TCF4: variants seen among roughly 807,000 people sequenced by gnomAD.
The protein encoded by TCF4 is transcription factor 4.
TCF4 carries 3 observed loss-of-function variants against 82.1 expected under a neutral mutation model. The ratio of observed to expected loss-of-function variants is 0.04; its 90% CI spans 0.02 to 0.09. The LOEUF (loss-of-function observed/expected upper bound fraction) is 0.09. TCF4 is among the 10% of genes least tolerant of loss of function. The pLI, the probability that TCF4 is intolerant of heterozygous loss-of-function variation, is 1.00. For missense variants in TCF4, 518 were observed against 852.7 expected, an observed-to-expected ratio of 0.61 and a Z score of 4.89; for synonymous variants, 276 against 309.6, an observed-to-expected ratio of 0.89 and a Z score of 1.14.
chr18:55,385,890 C>A (rs1256645738), intron 6 of TCF4, among the ~76,000 whole-genome samples: 1 of 152,234 alleles, frequency 6.6e-6, no homozygotes, highest in East Asian at 1.9e-4. Context: ...ATCAGGCCAT[C>A]GCTACTGGGT....
chr18:55,423,547 G>GT (rs1169846259), intron 5 of TCF4: 1 of 152,192 alleles, frequency 6.6e-6, no homozygotes, highest in Non-Finnish European at 1.5e-5. Context: ...GAGCTAAAGT[G>GT]TAAGTGAAGA....
intron 5 of TCF4, among the ~76,000 whole-genome samples, chr18:55,408,282 G>A (rs1274391807): frequency 6.6e-6 from 1 of 152,146 alleles, no homozygotes; most frequent in Admixed American, 6.5e-5. Flanking sequence ...ACAACACCAA[G>A]CAAGGCTGTT....
intron 5 of TCF4, among the ~76,000 whole-genome samples, chr18:55,412,084 C>A (rs1175134331): frequency 2.0e-5 from 3 of 152,108 alleles, no homozygotes; most frequent in African/African-American, 7.2e-5. Flanking sequence ...TTATTCTGAC[C>A]AGCTAGGGAG....
chr18:55,303,622 A>G (rs1364617244), intron 8 of TCF4, among the ~76,000 whole-genome samples: 1 of 152,206 alleles, frequency 6.6e-6, no homozygotes, highest in African/African-American at 2.4e-5. Context: ...AAGAAAAGAT[A>G]TAAGGTGAAG....
chr18:55,422,124 C>CA, intron 5 of TCF4: 1 of 643,082 alleles, frequency 1.6e-6, no homozygotes, highest in Non-Finnish European at 1.8e-6. Flanking sequence ...CCACTATCAT[C>CA]CAAAAAAAAA....
intron 3 of TCF4, among the ~76,000 whole-genome samples, chr18:55,521,472 T>C (rs2096932790): frequency 1.3e-5 from 2 of 152,168 alleles, no homozygotes; most frequent in Admixed American, 1.3e-4. Context: ...TCAAATCTCA[T>C]AATGCAAAAC....
Position 55,588,147 on chromosome 18 carries a change from T to G in TCF4, c.-130A>C. ...CTGCTCCTGCGCCCGCTCCCGCGCC[T>G]GCTGCCTCCCCGCCGCCGCCGCCGC... On this transcript the variant is annotated 5_prime_UTR_variant, in exon 1 of 20. Transcript: ENST00000354452. 1.0e-5 allele frequency: 11 copies of G among 1,082,296 alleles called. No homozygotes were observed. Among genetic ancestry groups the G allele is most frequent in the Non-Finnish European group, 1.2e-5 (11 of 898,800 alleles). 67.0% of individuals were successfully genotyped at this position (1,082,296 alleles called of 1,614,324 possible).
At chr18:55,300,145 C>T (rs865799684) in intron 8 of TCF4, among the ~76,000 whole-genome samples, 1 of 152,012 alleles carries the variant, frequency 6.6e-6, no homozygotes, top group Middle Eastern at 3.4e-3. Context: ...ATCTCTATTG[C>T]TGCTATTTTT....
At chr18:55,302,402 G>A (rs1334005248) in intron 8 of TCF4, 2 of 1,536,226 alleles carry the variant, frequency 1.3e-6, no homozygotes, top group East Asian at 4.9e-5. Flanking sequence ...ACTTTGGGGA[G>A]ACTCTGACCT....
chr18:55,257,496 T>C (rs1188334793), intron 13 of TCF4, 105 bp from the exon 14 acceptor site: 8 of 1,093,914 alleles, frequency 7.3e-6, no homozygotes, highest in Non-Finnish European at 8.4e-6. Context: ...ATGATGATTT[T>C]CATTTAAACA....
chr18:55,422,126 A>AC (rs1491219730), intron 5 of TCF4: 1 of 98,428 alleles, frequency 1.0e-5, no homozygotes. Flanking sequence ...ACTATCATCC[A>AC]AAAAAAAAAA....
chr18:55,342,990 T>C (rs1240143615), intron 8 of TCF4, among the ~76,000 whole-genome samples: 4 of 152,262 alleles, frequency 2.6e-5, no homozygotes, highest in Admixed American at 2.6e-4. Context: ...TTTAGAATGA[T>C]ATGGGCCATG....
At chr18:55,321,369 A>G (rs2147481126) in intron 8 of TCF4, 1 of 387,284 alleles carries the variant, frequency 2.6e-6, no homozygotes, top group South Asian at 4.5e-5. Context: ...CTTTAAAAAA[A>G]AAAAATCATA....
chr18:55,286,916 T>C (rs1431731630), intron 8 of TCF4, among the ~76,000 whole-genome samples: 2 of 152,196 alleles, frequency 1.3e-5, no homozygotes, highest in Non-Finnish European at 2.9e-5. Flanking sequence ...TTCTTATAAG[T>C]GGAAACATTT....
chr18:55,452,014 A>G (rs1288740854), intron 5 of TCF4, among the ~76,000 whole-genome samples: 1 of 152,224 alleles, frequency 6.6e-6, no homozygotes, highest in Non-Finnish European at 1.5e-5. Flanking sequence ...TCTAAAAAGA[A>G]AGTAAGTAAA....
chr18:55,424,451 G>A (rs2094900858), intron 5 of TCF4, among the ~76,000 whole-genome samples: 2 of 152,186 alleles, frequency 1.3e-5, no homozygotes, highest in Non-Finnish European at 2.9e-5. Flanking sequence ...TAAACACAAA[G>A]TTAGGGACAG....
intron 8 of TCF4, among the ~76,000 whole-genome samples, chr18:55,282,802 G>A (rs1156415141): frequency 6.6e-6 from 1 of 151,908 alleles, no homozygotes; most frequent in Non-Finnish European, 1.5e-5. Flanking sequence ...TAAAATATGA[G>A]GAAAATCTAA....
chr18:55,382,484 A>T (rs1300250977), intron 6 of TCF4, among the ~76,000 whole-genome samples: 1 of 152,144 alleles, frequency 6.6e-6, no homozygotes, highest in East Asian at 1.9e-4. Flanking sequence ...GAGATGTTGA[A>T]ATGTGAAAAA....
chr18:55,264,737 T>C (rs1332065392), intron 11 of TCF4: 2 of 152,138 alleles, frequency 1.3e-5, no homozygotes, highest in Non-Finnish European at 2.9e-5. Context: ...AAAATGTCCA[T>C]GTAACAGAAA....
Sources: gnomAD v4.1 joint callset for allele counts (sites outside exome capture counted in the v4.1 genomes callset) on GRCh38, gnomAD v4.1.1 for gene constraint, MANE v1.5 for transcripts, NCBI Gene and HGNC (gene_info 2026-07-23, HGNC 2026-07-21) for gene names.